The following RBKS variants were observed in gnomAD, a reference collection of about 807,000 sequenced individuals.
RBKS encodes the protein ribokinase.
In RBKS, 33 loss-of-function variants were observed where a neutral mutation model predicts 33.9. The ratio of observed to expected loss-of-function variants is 0.97; its 90% confidence interval spans 0.74 to 1.30. RBKS has a LOEUF of 1.30. RBKS is among the 50% of genes most tolerant of loss of function. RBKS has a pLI of 0.00. For synonymous variants in RBKS, 125 were observed against 143.0 expected, an observed-to-expected ratio of 0.87 and a Z score of 0.90; for missense variants, 361 against 392.6, an observed-to-expected ratio of 0.92 and a Z score of 0.68.
intron 7 of RBKS, among the ~76,000 whole-genome samples, chr2:27,812,437 C>A (rs1678004196): frequency 6.6e-6 from 1 of 152,160 alleles, no homozygotes. Context: ...CTATTCACAA[C>A]AGCAAAGACT....
At chr2:27,878,832 T>G (rs964662891) in intron 1 of RBKS, among the ~76,000 whole-genome samples, 28 of 152,240 alleles carry the variant, frequency 1.8e-4, no homozygotes, top group African/African-American at 6.8e-4. Flanking sequence ...ATGTCTTCTT[T>G]TGAGAAGTGT....
intron 1 of RBKS, among the ~76,000 whole-genome samples, chr2:27,885,081 C>A (rs931845324): frequency 6.6e-6 from 1 of 151,840 alleles, no homozygotes; most frequent in Non-Finnish European, 1.5e-5. Context: ...CTAGTAGGTA[C>A]CTCAACCCTC....
intron 6 of RBKS, among the ~76,000 whole-genome samples, chr2:27,828,416 CCA>C (rs1338785082): frequency 6.6e-6 from 1 of 152,226 alleles, no homozygotes; most frequent in African/African-American, 2.4e-5. Flanking sequence ...CATAATTCTT[CCA>C]AGCCTCTCTT....
chr2:27,830,017 G>A (rs1033023322), intron 6 of RBKS, among the ~76,000 whole-genome samples: 2 of 152,154 alleles, frequency 1.3e-5, no homozygotes, highest in Non-Finnish European at 2.9e-5. Flanking sequence ...CCCACAGCGG[G>A]TGAACTTCCT....
rs184186531 is a variant in RBKS, at chr2:27,874,521, A to T, written c.89+15736T>A. On this transcript the variant is annotated intron_variant, in intron 1 of 7. Transcript: ENST00000302188. ...ACACAACACGTCGTCAAGAGTGAAG[A>T]CTCTGTATTACCACAGCAGAGAGAC... 1.6e-4 allele frequency among the ~76,000 whole-genome samples: 24 copies of T among 152,206 alleles called. No homozygotes were observed. The East Asian group carries it at 4.1e-3, about 26-fold the overall frequency.
intron 7 of RBKS, among the ~76,000 whole-genome samples, chr2:27,824,747 C>T (rs1678280063): frequency 1.3e-5 from 2 of 152,286 alleles, no homozygotes; most frequent in Non-Finnish European, 2.9e-5. Flanking sequence ...CCTCTCCATT[C>T]CCATTTTCAT....
chr2:27,889,562 A>G (rs1664658898), intron 1 of RBKS, among the ~76,000 whole-genome samples: 1 of 152,202 alleles, frequency 6.6e-6, no homozygotes, highest in Non-Finnish European at 1.5e-5. Context: ...GGATCTGTCT[A>G]CTCAATCTTA....
At chr2:27,842,620 C>T (rs1441343934) in intron 5 of RBKS, among the ~76,000 whole-genome samples, 2 of 152,044 alleles carry the variant, frequency 1.3e-5, no homozygotes, top group Non-Finnish European at 2.9e-5. Flanking sequence ...CATTTCACCA[C>T]CTAGAGTGTA....
rs769545855 is a variant in RBKS, at chr2:27,781,770, C to A, written c.814G>T (p.Val272Leu). The change falls in exon 8 of 8, where the codon GTG (valine) becomes TTG (leucine). Residue 272 changes from valine to leucine, a missense_variant. By Grantham distance (32) the Val-to-Leu change is conservative (BLOSUM62 1). Coordinates refer to ENST00000302188, the MANE Select transcript of RBKS (RefSeq NM_022128.3). ...VDTTGAGDSF[V>L]GALAFYLAYY... Reference sequence around the variant, plus strand: ...GCCAGGTAGAAGGCCAGAGCTCCCACAAAGCTGTCACCAGCACCCTGTAAT... The same window carrying A: ...GCCAGGTAGAAGGCCAGAGCTCCCAAAAAGCTGTCACCAGCACCCTGTAAT... 2.5e-6 allele frequency: 4 copies of A among 1,613,512 alleles called. No individual in the cohort carries two copies. Among genetic ancestry groups the A allele is most frequent in the Non-Finnish European group, 2.5e-6 (3 of 1,179,728 alleles).
intron 1 of RBKS, among the ~76,000 whole-genome samples, chr2:27,868,520 T>C (rs1468485792): frequency 6.6e-6 from 1 of 152,230 alleles, no homozygotes; most frequent in Non-Finnish European, 1.5e-5. Flanking sequence ...ATTTTGACTA[T>C]AATGTTGGAT....
chr2:27,781,632 G>A lies in RBKS; in HGVS notation c.952C>T (p.Pro318Ser). ...AATAGCAATCAAAACAGAGTAAGCG[G>A]AAGGTCTTTTTTGTAAGGGTAAGAT... is the stretch of plus-strand genomic sequence containing the variant. ...QSSYPYKKDLPLTLF is the reference protein window; with the variant it reads ...QSSYPYKKDLSLTLF Residue 318 changes from proline (P) to serine (S), a missense_variant, in exon 8 of 8, where the codon CCG becomes TCG. Pro to Ser is a moderately conservative substitution (Grantham distance 74). Transcript: ENST00000302188. 1 of 1,611,594 alleles carries A rather than the reference G, an allele frequency of 6.2e-7. No individual in the cohort carries two copies. Among genetic ancestry groups the A allele is most frequent in the Non-Finnish European group, 8.5e-7 (1 of 1,179,032 alleles).
At chr2:27,804,087 T>G (rs1677852374) in intron 7 of RBKS, among the ~76,000 whole-genome samples, 1 of 152,218 alleles carries the variant, frequency 6.6e-6, no homozygotes, top group African/African-American at 2.4e-5. Context: ...ACCACTTTCA[T>G]ATGAATCAAG....
At chr2:27,793,282 T>C (rs140492848) in intron 7 of RBKS, among the ~76,000 whole-genome samples, 2,302 of 152,302 alleles carry the variant, frequency 0.015, 22 homozygotes, top group Middle Eastern at 0.078. Context: ...GCATTAACAC[T>C]GCTGGGTAAA....
At position 27,837,553 on chromosome 2, in the gene RBKS, T is replaced by C. The variant is rs1039598214; in HGVS notation, c.515-4776A>G. On this transcript the variant is annotated intron_variant, in intron 5 of 7. Coordinates refer to ENST00000302188, the MANE Select transcript of RBKS (RefSeq NM_022128.3). This position sits in a 1 kb window ranked among gnomAD's most constrained non-coding sequence, Gnocchi z 4.0. ...ATGTTCATCACCATGCTAGTCACAA[T>C]AGCAAAGACATGGAATCAACCTAGG... 1.3e-5 allele frequency among the ~76,000 whole-genome samples: 2 copies of C among 152,124 alleles called. No homozygotes were observed. Among genetic ancestry groups the C allele is most frequent in the Admixed American group, 6.5e-5 (1 of 15,276 alleles).
chr2:27,783,870 G>A (rs191609075), intron 7 of RBKS, among the ~76,000 whole-genome samples: 1,699 of 130,548 alleles, frequency 0.013, 11 homozygotes, highest in Non-Finnish European at 0.019. Flanking sequence ...TTGTGCCACT[G>A]CACTCCAGCC....
At chr2:27,792,677 C>T (rs6721067) in intron 7 of RBKS, among the ~76,000 whole-genome samples, 19,525 of 152,090 alleles carry the variant, frequency 0.13, 3,868 homozygotes, top group African/African-American at 0.43. Context: ...AGACTGGGCA[C>T]GTTCACTTCA....
In RBKS at chr2:27,806,505, G is replaced by GC. The variant is rs1001417523; in HGVS notation, c.795+21061dup. Among the ~76,000 whole-genome samples the GC allele has an allele frequency of 3.7e-4, 57 of 152,306 alleles. 1 individual carries two copies. The highest frequency in any genetic ancestry group is 3.4e-3 in the Admixed American group (52 of 15,302). ...GATTAAATTTGAATTTCATTGCAAT[G>GC]CCGTGAGGTAGGTAGGGTGGGTCTT... is the stretch of plus-strand genomic sequence containing the variant. On this transcript the variant is annotated intron_variant, in intron 7 of 7. Transcript: ENST00000302188.
At chr2:27,791,932 T>C (rs1198834327) in intron 7 of RBKS, among the ~76,000 whole-genome samples, 1 of 152,104 alleles carries the variant, frequency 6.6e-6, no homozygotes, top group Non-Finnish European at 1.5e-5. Flanking sequence ...ACTCATTGAA[T>C]CATGTACTGA....
intron 2 of RBKS, among the ~76,000 whole-genome samples, chr2:27,857,687 T>C (rs994057358): frequency 6.6e-6 from 1 of 152,204 alleles, no homozygotes; most frequent in Non-Finnish European, 1.5e-5. Context: ...AGAAACCCAT[T>C]GGAGTACGCT....
Sources: gnomAD v4.1 joint callset for allele counts (sites outside exome capture counted in the v4.1 genomes callset) on GRCh38, gnomAD v4.1.1 for gene constraint, Gnocchi (gnomAD v3.1) non-coding constraint, MANE v1.5 for transcripts, NCBI Gene and HGNC (gene_info 2026-07-23, HGNC 2026-07-21) for gene names.